The following ZNF462 variants were observed in gnomAD, a reference collection of about 807,000 sequenced individuals.
ZNF462 encodes the protein zinc finger PBX1-interacting protein.
ZNF462 carries 10 observed loss-of-function variants against 201.9 expected under a neutral mutation model. That is an observed-to-expected ratio of 0.05 (90% CI 0.03 to 0.08). ZNF462 has a LOEUF of 0.08. Ranked by LOEUF, ZNF462 falls within the 10% of genes least tolerant of loss-of-function variation. The pLI is 1.00. For synonymous variants in ZNF462, 1,227 were observed against 1,193.3 expected, an observed-to-expected ratio of 1.03 and a Z score of -0.58; for missense variants, 2,523 against 3,168.3, an observed-to-expected ratio of 0.80 and a Z score of 4.89.
Position 106,978,938 on chromosome 9 carries a change from G to A in ZNF462, c.6832+4665G>A, listed in dbSNP as rs929610822. 1.3e-5 allele frequency: 4 copies of A among 314,684 alleles called. No homozygotes were observed. The highest frequency in any genetic ancestry group is 4.6e-5 in the African/African-American group (2 of 43,246). The allele number at this position is 314,684 out of a possible 1,614,324, so 19.5% of individuals were successfully genotyped here. On this transcript the variant is annotated intron_variant, in intron 9 of 12. Coordinates refer to ENST00000277225, the MANE Select transcript of ZNF462 (RefSeq NM_021224.6). This position sits in a 1 kb window ranked among gnomAD's most constrained non-coding sequence, Gnocchi z 4.1. The stretch of plus-strand genomic sequence containing the variant: ...TGGCTTCTACCAGCTTAGCCAAAGC[G>A]CCTTTGTCTTCCAAGTTAATGTGTG...
At chr9:106,946,486 T>C (rs983141805) in intron 7 of ZNF462, among the ~76,000 whole-genome samples, 3 of 152,260 alleles carry the variant, frequency 2.0e-5, no homozygotes, top group South Asian at 2.1e-4. Flanking sequence ...AGACTTCTTA[T>C]GACTCATAGG....
In ZNF462 at chr9:106,974,664, C is replaced by A; in HGVS notation, c.6832+391C>A. On this transcript the variant is annotated intron_variant, in intron 9 of 12. Coordinates refer to ENST00000277225, the MANE Select transcript of ZNF462 (RefSeq NM_021224.6). The surrounding 1 kb of genome is among the most constrained non-coding windows in gnomAD (Gnocchi z 4.0). The stretch of plus-strand genomic sequence containing the variant: ...GAGAGCTCTATGGCTGTGAGAGATT[C>A]TTTCAAGAAGACCAAAATGATTTCC... 3.8e-6 allele frequency: 1 copy of A among 264,978 alleles called. No homozygotes were observed. Among genetic ancestry groups the A allele is most frequent in the Non-Finnish European group, 7.4e-6 (1 of 135,206 alleles). The allele number at this position is 264,978 out of a possible 1,614,324, so 16.4% of individuals were successfully genotyped here. A position where few individuals can be genotyped will look rare whatever the true frequency, so the allele number is the denominator to read the frequency against.
At chr9:106,893,045 A>G (rs773867082) in intron 1 of ZNF462, among the ~76,000 whole-genome samples, 1 of 152,198 alleles carries the variant, frequency 6.6e-6, no homozygotes, top group Admixed American at 6.5e-5. Context: ...CCAAAACATA[A>G]AAGTGTGGAC....
At chr9:106,947,250 T>A (rs547351907) in intron 7 of ZNF462, among the ~76,000 whole-genome samples, 1 of 152,342 alleles carries the variant, frequency 6.6e-6, no homozygotes, top group East Asian at 1.9e-4. Flanking sequence ...AAGTTTCATT[T>A]CCCAGCACAC....
rs1208151476 is a variant in ZNF462 at position 106,954,780 on chromosome 9, C to A, written c.6427+15673C>A. On this transcript the variant is annotated intron_variant, in intron 7 of 12. Coordinates refer to ENST00000277225, the MANE Select transcript of ZNF462 (RefSeq NM_021224.6). This position sits in a 1 kb window ranked among gnomAD's most constrained non-coding sequence, Gnocchi z 4.0. ...TGTGAGTCAACTCTTCCTCTGAAAT[C>A]CCTCAATGCTGTGCCCTACCTCTCT... is the stretch of plus-strand genomic sequence containing the variant. 6.6e-6 allele frequency among the ~76,000 whole-genome samples: 1 copy of A among 152,118 alleles called. No individual in the cohort carries two copies. Among genetic ancestry groups the A allele is most frequent in the Non-Finnish European group, 1.5e-5 (1 of 68,026 alleles).
chr9:106,907,436 T>A (rs1829318447), intron 1 of ZNF462, among the ~76,000 whole-genome samples: 1 of 143,618 alleles, frequency 7.0e-6, no homozygotes, highest in African/African-American at 2.8e-5. Context: ...ATATTGTTTC[T>A]TCTTGGATTA....
chr9:106,910,208 G>A (rs1261143916), intron 1 of ZNF462, among the ~76,000 whole-genome samples: 4 of 151,858 alleles, frequency 2.6e-5, no homozygotes, highest in Non-Finnish European at 5.9e-5. Flanking sequence ...ATCTTGTGCT[G>A]ATGTCTTGTC....
rs1829889773 is a variant in ZNF462, at chr9:106,919,120, G to T, written c.-30-4234G>T. On this transcript the variant is annotated intron_variant, in intron 1 of 12. Coordinates refer to ENST00000277225, the MANE Select transcript of ZNF462 (RefSeq NM_021224.6). The surrounding 1 kb of genome is among the most constrained non-coding windows in gnomAD (Gnocchi z 4.5). ...CAGTCAGAGAACAGGTTAGATCCAG[G>T]CAAGGCCTATGCCTTTTAATTTGAT... 6.6e-6 allele frequency among the ~76,000 whole-genome samples: 1 copy of T among 152,224 alleles called. No individual in the cohort carries two copies. The highest frequency in any genetic ancestry group is 1.5e-5 in the Non-Finnish European group (1 of 68,036).
In ZNF462 at chr9:106,984,015, A is replaced by G. The variant is rs1291659424; in HGVS notation, c.6833-171A>G. Reference sequence around the variant, plus strand: ...AAAAACACCCACTCATTCCTGAGGAATATGTTGTTTGGGGGTTAGGGGAGG... The same window carrying G: ...AAAAACACCCACTCATTCCTGAGGAGTATGTTGTTTGGGGGTTAGGGGAGG... On this transcript the variant is annotated intron_variant, in intron 9 of 12. Transcript: ENST00000277225. This position sits in a 1 kb window ranked among gnomAD's most constrained non-coding sequence, Gnocchi z 6.4. Among the ~76,000 whole-genome samples, 3 of 152,120 alleles carry G rather than the reference A, an allele frequency of 2.0e-5. No individual in the cohort carries two copies. Among genetic ancestry groups the G allele is most frequent in the African/African-American group, 7.2e-5 (3 of 41,442 alleles).
Position 106,926,438 on chromosome 9 carries a change from T to G in ZNF462, c.2526T>G (p.Leu842=), listed in dbSNP as rs761763787. 1 of 1,614,174 alleles carries G rather than the reference T, an allele frequency of 6.2e-7. No homozygotes were observed. The highest frequency in any genetic ancestry group is 8.5e-7 in the Non-Finnish European group (1 of 1,180,028). The change falls in exon 3 of 13, where the codon CTT becomes CTG. Residue 842 remains leucine (L), a synonymous_variant. Transcript: ENST00000277225. This position sits in a 1 kb window ranked among gnomAD's most constrained non-coding sequence, Gnocchi z 7.9. ...ENTDFGDSGR[L]YYCKHCDFNN... Reference sequence around the variant, plus strand: ...CAGACTTTGGTGACTCTGGAAGGCTTTACTATTGTAAACACTGTGACTTTA... The same window carrying G: ...CAGACTTTGGTGACTCTGGAAGGCTGTACTATTGTAAACACTGTGACTTTA...
chr9:106,974,431 A>G lies in ZNF462; in HGVS notation c.6832+158A>G. On this transcript the variant is annotated intron_variant, in intron 9 of 12. Coordinates refer to ENST00000277225, the MANE Select transcript of ZNF462 (RefSeq NM_021224.6). The surrounding 1 kb of genome is among the most constrained non-coding windows in gnomAD (Gnocchi z 4.0). ...CAGTGATAACCACAGTGACAGCCAA[A>G]AGGGCAAAAACACCTTCCTGCTGGG... 1 of 1,146,008 alleles carries G rather than the reference A, an allele frequency of 8.7e-7. No homozygotes were observed. Among genetic ancestry groups the G allele is most frequent in the Non-Finnish European group, 1.3e-6 (1 of 765,274 alleles). The allele number at this position is 1,146,008 out of a possible 1,614,324, so 71.0% of individuals were successfully genotyped here.
intron 7 of ZNF462, among the ~76,000 whole-genome samples, chr9:106,957,354 C>A (rs757865809): frequency 6.6e-6 from 1 of 152,044 alleles, no homozygotes; most frequent in African/African-American, 2.4e-5. Context: ...CTTACATAGG[C>A]ATGGTTCATG....
rs1368464315 is a variant in ZNF462, at chr9:107,012,716, T to G, written c.*1686T>G. 1.4e-5 allele frequency: 2 copies of G among 142,714 alleles called. No individual in the cohort carries two copies. Among genetic ancestry groups the G allele is most frequent in the East Asian group, 2.0e-4 (1 of 5,082 alleles). The allele number at this position is 142,714 out of a possible 1,614,324, so 8.8% of individuals were successfully genotyped here. A position where few individuals can be genotyped will look rare whatever the true frequency, so the allele number is the denominator to read the frequency against. ...GTGAATCCTTTGGTTTTCATGTTTT[T>G]TTTTTTTTTTTTTTACTTGGAAGGG... On this transcript the variant is annotated 3_prime_UTR_variant, in exon 13 of 13. Transcript: ENST00000277225.
intron 1 of ZNF462, among the ~76,000 whole-genome samples, chr9:106,908,877 G>A (rs181047115): frequency 1.8e-4 from 21 of 116,632 alleles, no homozygotes; most frequent in Non-Finnish European, 2.5e-4. Flanking sequence ...TTTCTGTCCT[G>A]CTGTGAAAGT....
intron 5 of ZNF462, among the ~76,000 whole-genome samples, chr9:106,934,949 A>G (rs555302854): frequency 3.9e-5 from 6 of 152,276 alleles, no homozygotes; most frequent in Admixed American, 2.0e-4. Context: ...GTGCCTCCAT[A>G]TTAATATAGA....
At chr9:106,973,923 T>G (rs1009094754) in intron 8 of ZNF462, among the ~76,000 whole-genome samples, 3 of 152,040 alleles carry the variant, frequency 2.0e-5, no homozygotes, top group Non-Finnish European at 4.4e-5. Context: ...GGGCACAGTT[T>G]CCAGAAAGAA....
intron 7 of ZNF462, among the ~76,000 whole-genome samples, chr9:106,943,783 C>G (rs12350774): frequency 0.042 from 6,324 of 152,158 alleles, 405 homozygotes; most frequent in African/African-American, 0.14. Flanking sequence ...TTGGAGGCAT[C>G]AGTTTTCAGT....
chr9:106,908,939 ATATTTTTTTTTTTTTTTTTTTTTTTTT>A (rs1180878755), intron 1 of ZNF462, among the ~76,000 whole-genome samples: 2 of 29,948 alleles, frequency 6.7e-5, no homozygotes, highest in Non-Finnish European at 1.1e-4. Context: ...ATATATATAT[ATATTTTTTTTTTTTTTTTTTTTTTTTT>A]TTTTTTTTTT....
chr9:106,997,117 C>G (rs1295913513), intron 10 of ZNF462, among the ~76,000 whole-genome samples: 3 of 151,988 alleles, frequency 2.0e-5, no homozygotes, highest in African/African-American at 7.3e-5. Flanking sequence ...CTTTCCCCCC[C>G]CAGCTTTATT....
Sources: gnomAD v4.1 joint callset for allele counts (sites outside exome capture counted in the v4.1 genomes callset) on GRCh38, gnomAD v4.1.1 for gene constraint, Gnocchi (gnomAD v3.1) non-coding constraint, MANE v1.5 for transcripts, NCBI Gene and HGNC (gene_info 2026-07-23, HGNC 2026-07-21) for gene names.